METAP2: variants seen among roughly 807,000 people sequenced by gnomAD.
METAP2 encodes the protein methionine aminopeptidase 2.
Under a neutral mutation model 59.4 loss-of-function variants are expected in METAP2, and 25 were observed. The observed-to-expected ratio is 0.42, with a 90% CI of 0.31 to 0.59. The LOEUF (loss-of-function observed/expected upper bound fraction) is 0.59, where lower values mean the gene tolerates loss of function less well. Among genes scored for constraint, METAP2 ranks in the 20% least tolerant of loss-of-function variants. The pLI is 0.16. For synonymous variants in METAP2, 214 were observed against 194.1 expected (o/e 1.10, Z -0.85); for missense variants, 366 against 581.2 (o/e 0.63, Z 3.81).
At chr12:95,486,101 A>G (rs749193121) in intron 4 of METAP2, 120 bp downstream of exon 4, 2 of 696,670 alleles carry the variant, frequency 2.9e-6, no homozygotes, top group Non-Finnish European at 4.7e-6. Flanking sequence ...TAAATTTGTC[A>G]TAAAGAAGAT....
At position 95,506,481 on chromosome 12, in the gene METAP2, A is replaced by G. The variant is rs149929368; in HGVS notation, c.964+2320A>G. ...CCAGCTAATTTATTTTTGTATTTTT[A>G]GTAGAGACGGGGTTTCACTATATTT... On this transcript the variant is annotated intron_variant, in intron 8 of 10. Coordinates refer to ENST00000323666, the MANE Select transcript of METAP2 (RefSeq NM_006838.4). Among the ~76,000 whole-genome samples, 389 of 151,798 alleles carry G rather than the reference A, an allele frequency of 2.6e-3. 5 individuals are homozygous for G. Among genetic ancestry groups the G allele is most frequent in the Admixed American group, 4.5e-3 (68 of 15,262 alleles).
In METAP2 at chr12:95,477,599, C is replaced by T. The variant is rs113272457; in HGVS notation, c.259+1421C>T. Among the ~76,000 whole-genome samples the T allele has an allele frequency of 9.3e-3, 1,415 of 152,176 alleles. 22 individuals carry two copies. The highest frequency in any genetic ancestry group is 0.032 in the African/African-American group (1,308 of 41,522). On this transcript the variant is annotated intron_variant, in intron 2 of 10. Transcript: ENST00000323666. ...CAGGTAAGAAAACTTAACTTTTTTCCAGCCTCTTTTGGCGGAGGAAAAATG... is the reference window on the plus strand; with the variant it reads ...CAGGTAAGAAAACTTAACTTTTTTCTAGCCTCTTTTGGCGGAGGAAAAATG...
At chr12:95,483,181 T>G in intron 2 of METAP2, 34 bp from the exon 3 acceptor site, 1 of 1,554,648 alleles carries the variant, frequency 6.4e-7, no homozygotes, top group Middle Eastern at 1.7e-4. Context: ...TTATGAGGTT[T>G]AAATGAACAT....
At chr12:95,508,359 T>G (rs1431849669) in intron 8 of METAP2, among the ~76,000 whole-genome samples, 1 of 152,182 alleles carries the variant, frequency 6.6e-6, no homozygotes, top group Non-Finnish European at 1.5e-5. Context: ...ATTAACACTT[T>G]ATGAGCTCCC....
intron 10 of METAP2, among the ~76,000 whole-genome samples, chr12:95,513,322 C>G (rs2076418366): frequency 6.6e-6 from 1 of 152,098 alleles, no homozygotes; most frequent in South Asian, 2.1e-4. Context: ...ATATGCAGGT[C>G]TTTGAGCTTG....
intron 2 of METAP2, 41 bp from the exon 3 acceptor site, chr12:95,483,174 T>A: frequency 6.7e-7 from 1 of 1,489,276 alleles, no homozygotes; most frequent in Non-Finnish European, 9.4e-7. Flanking sequence ...CCTCTGCTTA[T>A]GAGGTTTAAA....
rs201713329 is a variant in METAP2, at chr12:95,494,059, A to G, written c.432A>G (p.Arg144=). 1.7e-5 allele frequency: 27 copies of G among 1,613,588 alleles called. No homozygotes were observed. Among genetic ancestry groups the G allele is most frequent in the Non-Finnish European group, 1.9e-5 (23 of 1,179,784 alleles). ...GTATTCTATGCCCACTCTAAAGGCG[A>G]ACAGCTGCTTGGAGAACTACAAGTG... is the stretch of plus-strand genomic sequence containing the variant. ...ECEYPPTQDG[R]TAAWRTTSEE... is the part of the protein sequence containing the mutation. The change falls in exon 5 of 11, where the codon CGA becomes CGG. Residue 144 remains arginine, a synonymous_variant. Coordinates refer to ENST00000323666, the MANE Select transcript of METAP2 (RefSeq NM_006838.4).
intron 4 of METAP2, among the ~76,000 whole-genome samples, chr12:95,492,207 C>A (rs1264925561): frequency 9.2e-5 from 14 of 151,940 alleles, no homozygotes; most frequent in Admixed American, 9.2e-4. Context: ...CACTGTGTCA[C>A]CCTGGATTGT....
At chr12:95,511,358 ATTTC>A (rs1290338894) in intron 8 of METAP2, among the ~76,000 whole-genome samples, 1 of 62,698 alleles carries the variant, frequency 1.6e-5, no homozygotes, top group Non-Finnish European at 3.4e-5. Context: ...TTAATCCTGT[ATTTC>A]TTTCTTCCAT....
intron 6 of METAP2, 31 bp from the exon 7 acceptor site, chr12:95,495,973 G>A (rs1047902963): frequency 2.2e-6 from 3 of 1,335,336 alleles, no homozygotes; most frequent in Admixed American, 1.8e-5. Context: ...TAGCTGATAA[G>A]TAAAATTAAA....
At chr12:95,510,420 A>G (rs534814031) in intron 8 of METAP2, among the ~76,000 whole-genome samples, 9 of 152,322 alleles carry the variant, frequency 5.9e-5, no homozygotes, top group African/African-American at 1.9e-4. Flanking sequence ...TTGCTGCATC[A>G]TCCTATGGCA....
At chr12:95,475,702 T>A (rs2076113348) in intron 1 of METAP2, among the ~76,000 whole-genome samples, 1 of 152,200 alleles carries the variant, frequency 6.6e-6, no homozygotes, top group Admixed American at 6.5e-5. Flanking sequence ...CCCCGGGGTG[T>A]TGCACATGAA....
chr12:95,505,802 T>C (rs2076354526), intron 8 of METAP2, among the ~76,000 whole-genome samples: 1 of 151,264 alleles, frequency 6.6e-6, no homozygotes, highest in Non-Finnish European at 1.5e-5. Flanking sequence ...ACTCTTTTTT[T>C]AGACAGAGTC....
At position 95,488,952 on chromosome 12, in the gene METAP2, T is replaced by A. The variant is rs893733535; in HGVS notation, c.428+2971T>A. Among the ~76,000 whole-genome samples the A allele has an allele frequency of 2.0e-5, 3 of 152,192 alleles. No individual in the cohort carries two copies. In the East Asian group the frequency reaches 5.8e-4, roughly 29 times the overall value. ...AATTGCATTTATATTTATGTATTAGTTTCTGAAAATTGACAGTTTATCACC... is the reference window on the plus strand; with the variant it reads ...AATTGCATTTATATTTATGTATTAGATTCTGAAAATTGACAGTTTATCACC... On this transcript the variant is annotated intron_variant, in intron 4 of 10. Coordinates refer to ENST00000323666, the MANE Select transcript of METAP2 (RefSeq NM_006838.4).
At chr12:95,494,870 CT>C (rs1298554342) in intron 5 of METAP2, 86 bp from the exon 6 acceptor site, 1 of 1,098,410 alleles carries the variant, frequency 9.1e-7, no homozygotes. Context: ...TTTTAGTAAA[CT>C]TTCTGGACTT....
At chr12:95,510,964 A>C (rs2076397463) in intron 8 of METAP2, among the ~76,000 whole-genome samples, 1 of 152,158 alleles carries the variant, frequency 6.6e-6, no homozygotes, top group African/African-American at 2.4e-5. Flanking sequence ...TGGAATAAAA[A>C]AGCTAGACGT....
chr12:95,497,972 CA>C lies in METAP2; in HGVS notation c.867+1886del, dbSNP rs561899877. On this transcript the variant is annotated intron_variant, in intron 7 of 10. Coordinates refer to ENST00000323666, the MANE Select transcript of METAP2 (RefSeq NM_006838.4). ...GAAACCCCGTCTCTACTAAAAATAC[CA>C]AAAAAAAAAAATAGCTGGGTGTGGT... 7.6e-3 allele frequency among the ~76,000 whole-genome samples: 1,076 copies of C among 141,130 alleles called. 9 individuals carry two copies. Among genetic ancestry groups the C allele is most frequent in the African/African-American group, 0.022 (848 of 38,908 alleles). 92.6% of individuals were successfully genotyped at this position (141,130 alleles called of 152,430 possible). A position where few individuals can be genotyped will look rare whatever the true frequency, so the allele number is the denominator to read the frequency against.
At chr12:95,486,162 G>A (rs558509110) in intron 4 of METAP2, among the ~76,000 whole-genome samples, 181 bp downstream of exon 4, 6 of 152,152 alleles carry the variant, frequency 3.9e-5, no homozygotes, top group African/African-American at 1.4e-4. Flanking sequence ...GCAGGTTATT[G>A]GTCATTTAAA....
chr12:95,475,033 T>G (rs980409702), intron 1 of METAP2, among the ~76,000 whole-genome samples: 5 of 152,194 alleles, frequency 3.3e-5, no homozygotes, highest in Admixed American at 2.6e-4. Flanking sequence ...ATGGAACTTC[T>G]GAGGTCTTAA....
Sources: gnomAD v4.1 joint callset for allele counts (sites outside exome capture counted in the v4.1 genomes callset) on GRCh38, gnomAD v4.1.1 for gene constraint, MANE v1.5 for transcripts, NCBI Gene and HGNC (gene_info 2026-07-23, HGNC 2026-07-21) for gene names.